The following ITPR1 variants were observed in gnomAD, a reference collection of about 807,000 sequenced individuals.
ITPR1 encodes inositol 1,4,5-trisphosphate receptor type 1.
ITPR1 carries 96 observed loss-of-function variants against 318.4 expected under a neutral mutation model. That is an observed-to-expected ratio of 0.30 (90% CI 0.26 to 0.36). ITPR1 has a LOEUF of 0.36. ITPR1 is among the 10% of genes least tolerant of loss of function. The pLI is 1.00. For synonymous variants in ITPR1, 1,312 were observed against 1,289.9 expected (o/e 1.02, Z -0.37); for missense variants, 2,440 against 3,460.2 (o/e 0.71, Z 7.40).
At chr3:4,593,814 G>A (rs1240253723) in intron 4 of ITPR1, among the ~76,000 whole-genome samples, 4 of 152,224 alleles carry the variant, frequency 2.6e-5, no homozygotes, top group African/African-American at 9.6e-5. Context: ...GATATGGTGG[G>A]AGAAGAAGCT....
chr3:4,839,213 G>A (rs946190588), intron 61 of ITPR1, among the ~76,000 whole-genome samples: 3 of 152,122 alleles, frequency 2.0e-5, no homozygotes, highest in African/African-American at 7.2e-5. Flanking sequence ...TGTGATCACA[G>A]CTACTCAGGA....
intron 54 of ITPR1, among the ~76,000 whole-genome samples, chr3:4,803,803 T>C (rs1227618568): frequency 6.6e-6 from 1 of 152,186 alleles, no homozygotes; most frequent in Non-Finnish European, 1.5e-5. Flanking sequence ...AGATAATTAA[T>C]TACCATTTAC....
intron 2 of ITPR1, among the ~76,000 whole-genome samples, chr3:4,511,813 G>C (rs187770947): frequency 6.6e-6 from 1 of 152,274 alleles, no homozygotes; most frequent in East Asian, 1.9e-4. Context: ...GTCATTCTGC[G>C]TCAGGAATTG....
intron 60 of ITPR1, among the ~76,000 whole-genome samples, chr3:4,818,875 G>A (rs936593141): frequency 1.2e-4 from 19 of 152,150 alleles, no homozygotes; most frequent in Admixed American, 8.5e-4. Context: ...CCAAACGTGC[G>A]CTGTGGGTGT....
intron 24 of ITPR1, among the ~76,000 whole-genome samples, chr3:4,677,563 G>T (rs763177678): frequency 6.6e-6 from 1 of 152,170 alleles, no homozygotes; most frequent in Non-Finnish European, 1.5e-5. Flanking sequence ...GGTGAAGAGG[G>T]CACATTTGGG....
At chr3:4,646,045 G>A (rs562925147) in intron 10 of ITPR1, 36 of 264,820 alleles carry the variant, frequency 1.4e-4, no homozygotes, top group Middle Eastern at 1.3e-3. Flanking sequence ...ATTCAAAAAC[G>A]AAATTAGAAA....
At chr3:4,514,924 C>A (rs1236339214) in intron 2 of ITPR1, among the ~76,000 whole-genome samples, 1 of 152,182 alleles carries the variant, frequency 6.6e-6, no homozygotes, top group Admixed American at 6.5e-5. Flanking sequence ...TAAACAATGA[C>A]TGACATGATT....
chr3:4,781,975 C>G (rs762019736), intron 49 of ITPR1, among the ~76,000 whole-genome samples: 1 of 151,876 alleles, frequency 6.6e-6, no homozygotes, highest in African/African-American at 2.4e-5. Context: ...AGAGCAAGAC[C>G]CTGTCTCAAA....
intron 2 of ITPR1, among the ~76,000 whole-genome samples, 169 bp downstream of exon 2, chr3:4,494,675 G>A (rs75535411): frequency 0.027 from 4,064 of 152,316 alleles, 189 homozygotes; most frequent in African/African-American, 0.093. Flanking sequence ...TGGGAGCAGA[G>A]GTCCAGTGGA....
chr3:4,716,331 A>T (rs373426421), intron 39 of ITPR1, among the ~76,000 whole-genome samples: 1 of 152,232 alleles, frequency 6.6e-6, no homozygotes, highest in East Asian at 1.9e-4. Flanking sequence ...TATTTTATGT[A>T]TTATTAATAA....
rs138136079 is a variant in ITPR1 at position 4,540,801 on chromosome 3, C to G, written c.163+19707C>G. Among the ~76,000 whole-genome samples the G allele has an allele frequency of 6.1e-3, 936 of 152,254 alleles. 13 individuals carry two copies. Among genetic ancestry groups the G allele is most frequent in the African/African-American group, 0.021 (887 of 41,540 alleles). ...ATATTGCCCAGTCTGGTCTTGAACTCCTGGGCTCAAACTATCCACCTGCCT... is the reference window on the plus strand; with the variant it reads ...ATATTGCCCAGTCTGGTCTTGAACTGCTGGGCTCAAACTATCCACCTGCCT... On this transcript the variant is annotated intron_variant, in intron 4 of 61. Coordinates refer to ENST00000649015, the MANE Select transcript of ITPR1 (RefSeq NM_001378452.1).
rs1280331754 is a variant in ITPR1 at position 4,693,492 on chromosome 3, G to C, written c.4032G>C (p.Leu1344=). 1 of 1,613,094 alleles carries C rather than the reference G, an allele frequency of 6.2e-7. No homozygotes were observed. Among genetic ancestry groups the C allele is most frequent in the African/African-American group, 1.3e-5 (1 of 74,846 alleles). The change falls in exon 33 of 62, where the codon CTG becomes CTC. Residue 1344 remains leucine (L), a splice_region_variant and synonymous_variant. Transcript: ENST00000649015. The stretch of plus-strand genomic sequence containing the variant: ...AACCCACCCTGTTCTTTATGTAGCT[G>C]GTCAATTCGGGAGAGGATGTCCTCG... ...KKCQDMVMAE[L]VNSGEDVLVF...
intron 48 of ITPR1, among the ~76,000 whole-genome samples, chr3:4,778,498 T>G (rs1238256498): frequency 1.3e-5 from 2 of 152,226 alleles, no homozygotes; most frequent in East Asian, 3.8e-4. Context: ...TGGCAGTTAT[T>G]TTTTCTTTAC....
rs545892000 is a variant in ITPR1 at position 4,571,935 on chromosome 3, C to T, written c.163+50841C>T. 1.1e-4 allele frequency among the ~76,000 whole-genome samples: 17 copies of T among 152,206 alleles called. No homozygotes were observed. In the Middle Eastern group the frequency reaches 0.014, roughly 122 times the overall value. On this transcript the variant is annotated intron_variant, in intron 4 of 61. Transcript: ENST00000649015. Reference sequence around the variant, plus strand: ...TGGCCACATCAATTTTAATTGTATGCAGTTGTGTGGCTCAAGCACCTACTA... The same window carrying T: ...TGGCCACATCAATTTTAATTGTATGTAGTTGTGTGGCTCAAGCACCTACTA...
rs1403860207 is a variant in ITPR1 at position 4,652,179 on chromosome 3, T to A, written c.912T>A (p.Arg304=). ...GGAGYWNSLF[R]FKHLATGHYL... ...CAGGGTATTGGAACAGCCTTTTCCG[T>A]TTCAAGCATCTGGCCACGGGGCATT... Residue 304 remains arginine (R), a synonymous_variant, in exon 11 of 62, where the codon CGT becomes CGA. Coordinates refer to ENST00000649015, the MANE Select transcript of ITPR1 (RefSeq NM_001378452.1). 2 of 1,612,900 alleles carry A rather than the reference T, an allele frequency of 1.2e-6. No homozygotes were observed. Among genetic ancestry groups the A allele is most frequent in the Non-Finnish European group, 1.7e-6 (2 of 1,179,586 alleles).
At chr3:4,644,871 C>T (rs1453347053) in intron 8 of ITPR1, among the ~76,000 whole-genome samples, 2 of 152,122 alleles carry the variant, frequency 1.3e-5, no homozygotes, top group Non-Finnish European at 2.9e-5. Context: ...GGGCGGCGGT[C>T]GGACCTATTT....
intron 54 of ITPR1, among the ~76,000 whole-genome samples, chr3:4,801,408 G>T (rs1009417686): frequency 3.3e-5 from 5 of 152,200 alleles, no homozygotes; most frequent in Non-Finnish European, 7.3e-5. Context: ...GGACTTTAGA[G>T]AACAGGTCAT....
At chr3:4,803,556 A>G (rs1458955873) in intron 54 of ITPR1, among the ~76,000 whole-genome samples, 2 of 152,214 alleles carry the variant, frequency 1.3e-5, no homozygotes, top group African/African-American at 4.8e-5. Context: ...CATGACCAGA[A>G]CTACAGAGAG....
intron 44 of ITPR1, among the ~76,000 whole-genome samples, chr3:4,760,512 C>G (rs965946404): frequency 2.0e-5 from 3 of 152,042 alleles, no homozygotes; most frequent in Non-Finnish European, 4.4e-5. Context: ...GTTTCTATAC[C>G]CATTGTACCA....
Sources: gnomAD v4.1 joint callset for allele counts (sites outside exome capture counted in the v4.1 genomes callset) on GRCh38, gnomAD v4.1.1 for gene constraint, MANE v1.5 for transcripts, NCBI Gene and HGNC (gene_info 2026-07-23, HGNC 2026-07-21) for gene names.